PDE3A: variants seen among roughly 807,000 people sequenced by gnomAD.
PDE3A encodes phosphodiesterase 3A.
PDE3A carries 43 observed loss-of-function variants against 98.3 expected under a neutral mutation model. The ratio of observed to expected loss-of-function variants is 0.44; its 90% CI spans 0.34 to 0.56. The LOEUF is 0.56. Among genes scored for constraint, PDE3A ranks in the 20% least tolerant of loss-of-function variants. The pLI is 0.01. For synonymous variants in PDE3A, 663 were observed against 567.9 expected, an observed-to-expected ratio of 1.17 and a Z score of -2.38; for missense variants, 1,427 against 1,440.7, an observed-to-expected ratio of 0.99 and a Z score of 0.15.
intron 1 of PDE3A, among the ~76,000 whole-genome samples, chr12:20,489,332 T>C (rs934381377): frequency 6.6e-6 from 1 of 152,218 alleles, no homozygotes; most frequent in African/African-American, 2.4e-5. Context: ...TGGAGCGTTA[T>C]AGCCAGTAAG....
At chr12:20,422,066 G>C (rs1019806983) in intron 1 of PDE3A, among the ~76,000 whole-genome samples, 3 of 152,230 alleles carry the variant, frequency 2.0e-5, no homozygotes, top group Non-Finnish European at 2.9e-5. Context: ...AGGGCGGCAG[G>C]CCGGGCGCAA....
At chr12:20,433,505 A>G (rs1944731300) in intron 1 of PDE3A, among the ~76,000 whole-genome samples, 1 of 152,162 alleles carries the variant, frequency 6.6e-6, no homozygotes, top group African/African-American at 2.4e-5. Context: ...GACTTTAAAT[A>G]TATGAAAATT....
At chr12:20,582,887 A>G (rs1451868312) in intron 2 of PDE3A, among the ~76,000 whole-genome samples, 1 of 152,218 alleles carries the variant, frequency 6.6e-6, no homozygotes, top group African/African-American at 2.4e-5. Context: ...TAATATGCAG[A>G]GGGAAAAATA....
intron 15 of PDE3A, among the ~76,000 whole-genome samples, chr12:20,662,939 C>A (rs1945212728): frequency 6.6e-6 from 1 of 152,138 alleles, no homozygotes; most frequent in South Asian, 2.1e-4. Flanking sequence ...TATCATAGAC[C>A]CAGAGGCCTA....
chr12:20,560,182 A>G (rs556095842), intron 2 of PDE3A, among the ~76,000 whole-genome samples: 105 of 152,344 alleles, frequency 6.9e-4, no homozygotes, highest in African/African-American at 2.4e-3. Flanking sequence ...AAAGGGTGTC[A>G]GTTTGGGAAT....
chr12:20,533,231 G>C (rs1343511309), intron 1 of PDE3A, among the ~76,000 whole-genome samples: 2 of 152,106 alleles, frequency 1.3e-5, no homozygotes, highest in Admixed American at 6.5e-5. Flanking sequence ...AGTATGAAAA[G>C]TACACAAATT....
intron 1 of PDE3A, among the ~76,000 whole-genome samples, chr12:20,428,429 G>A (rs575639329): frequency 4.1e-4 from 62 of 151,934 alleles, no homozygotes; most frequent in Middle Eastern, 3.4e-3. Context: ...ACAGGCGCCC[G>A]CCGCCACGCC....
chr12:20,552,991 G>C lies in PDE3A; in HGVS notation c.961-3669G>C, dbSNP rs543040453. ...GACCGTCCTCAACCAGCTCTTCCCC[G>C]GCTACGGCAATGGCCGGTGATCTCC... is the stretch of plus-strand genomic sequence containing the variant. On this transcript the variant is annotated intron_variant, in intron 1 of 15. Transcript: ENST00000359062. This position sits in a 1 kb window ranked among gnomAD's most constrained non-coding sequence, Gnocchi z 5.1. 1.7e-5 allele frequency: 27 copies of C among 1,572,558 alleles called. No individual in the cohort carries two copies. In the East Asian group the frequency reaches 6.1e-4, roughly 36 times the overall value.
At chr12:20,520,582 T>C (rs1313513538) in intron 1 of PDE3A, among the ~76,000 whole-genome samples, 1 of 152,186 alleles carries the variant, frequency 6.6e-6, no homozygotes, top group Non-Finnish European at 1.5e-5. Context: ...TTTTGCTATA[T>C]TGTGTTTTTT....
chr12:20,670,013 C>G (rs910093662), intron 15 of PDE3A, among the ~76,000 whole-genome samples: 1 of 148,646 alleles, frequency 6.7e-6, no homozygotes, highest in Non-Finnish European at 1.5e-5. Flanking sequence ...ATCTACCAAG[C>G]AAATGGAAAA....
chr12:20,444,403 C>T (rs926935945), intron 1 of PDE3A, among the ~76,000 whole-genome samples: 12 of 152,038 alleles, frequency 7.9e-5, no homozygotes, highest in African/African-American at 2.7e-4. Context: ...ACCCATAAAC[C>T]CATTCAAAAA....
intron 1 of PDE3A, among the ~76,000 whole-genome samples, chr12:20,457,528 C>T (rs1261749147): frequency 6.6e-6 from 1 of 151,584 alleles, no homozygotes; most frequent in Non-Finnish European, 1.5e-5. Flanking sequence ...AATATTTTAA[C>T]TGTAATTCTA....
intron 1 of PDE3A, among the ~76,000 whole-genome samples, chr12:20,504,359 T>C (rs1164355052): frequency 6.6e-6 from 1 of 152,098 alleles, no homozygotes; most frequent in Non-Finnish European, 1.5e-5. Context: ...TTTTAGACTT[T>C]CAGTGAATAT....
intron 15 of PDE3A, among the ~76,000 whole-genome samples, chr12:20,664,948 C>A (rs1013421751): frequency 1.3e-5 from 2 of 152,134 alleles, no homozygotes; most frequent in Non-Finnish European, 2.9e-5. Context: ...TCTGATTCCT[C>A]CCTCTTAATT....
chr12:20,409,503 A>C lies in PDE3A; in HGVS notation c.960+39259A>C, dbSNP rs553732810. ...AGAACATTTTCTTTCAGAAATGATC[A>C]AAATTGTGAAATCTTTGATAGATGG... On this transcript the variant is annotated intron_variant, in intron 1 of 15. Coordinates refer to ENST00000359062, the MANE Select transcript of PDE3A (RefSeq NM_000921.5). 3.3e-5 allele frequency among the ~76,000 whole-genome samples: 5 copies of C among 152,336 alleles called. No individual in the cohort carries two copies. The East Asian group carries it at 9.6e-4, about 29-fold the overall frequency.
chr12:20,662,335 A>C (rs1343085573), intron 15 of PDE3A, among the ~76,000 whole-genome samples: 3 of 151,902 alleles, frequency 2.0e-5, no homozygotes, highest in Non-Finnish European at 4.4e-5. Context: ...AAGATGAGGA[A>C]CTTGTTGAGA....
At chr12:20,407,824 A>C (rs1944259988) in intron 1 of PDE3A, among the ~76,000 whole-genome samples, 2 of 152,022 alleles carry the variant, frequency 1.3e-5, no homozygotes, top group African/African-American at 4.8e-5. Context: ...GAAGAAAAGC[A>C]ACTAGTGTGT....
At chr12:20,427,380 G>A (rs953571493) in intron 1 of PDE3A, among the ~76,000 whole-genome samples, 1 of 152,176 alleles carries the variant, frequency 6.6e-6, no homozygotes, top group Non-Finnish European at 1.5e-5. Context: ...GTGTATTAAT[G>A]GGAAATAGAA....
At chr12:20,471,990 G>T (rs10841544) in intron 1 of PDE3A, among the ~76,000 whole-genome samples, 40,969 of 151,984 alleles carry the variant, frequency 0.27, 7,166 homozygotes, top group East Asian at 0.67. Context: ...TGGTCATCCT[G>T]GTGCATTTTG....
Sources: gnomAD v4.1 joint callset for allele counts (sites outside exome capture counted in the v4.1 genomes callset) on GRCh38, gnomAD v4.1.1 for gene constraint, Gnocchi (gnomAD v3.1) non-coding constraint, MANE v1.5 for transcripts, NCBI Gene and HGNC (gene_info 2026-07-23, HGNC 2026-07-21) for gene names.